The following TOGARAM1 variants were observed in gnomAD, a reference collection of about 807,000 sequenced individuals.
TOGARAM1 encodes the protein TOG array regulator of axonemal microtubules protein 1.
TOGARAM1 carries 100 observed loss-of-function variants against 166.6 expected under a neutral mutation model. The ratio of observed to expected loss-of-function variants is 0.60; its 90% CI spans 0.51 to 0.71. The LOEUF is 0.71. Among genes scored for constraint, TOGARAM1 ranks in the 30% least tolerant of loss-of-function variants. TOGARAM1 has a pLI of 0.00. For synonymous variants in TOGARAM1, 758 were observed against 763.8 expected (o/e 0.99, Z 0.13); for missense variants, 2,029 against 2,102.7 (o/e 0.96, Z 0.69).
chr14:44,982,187 T>G (rs529498018), intron 1 of TOGARAM1, among the ~76,000 whole-genome samples: 1 of 152,304 alleles, frequency 6.6e-6, no homozygotes, highest in East Asian at 1.9e-4. Context: ...TAATGGGATT[T>G]TTGATAGCTA....
intron 18 of TOGARAM1, among the ~76,000 whole-genome samples, chr14:45,070,306 A>G (rs1846894681): frequency 6.6e-6 from 1 of 152,348 alleles, no homozygotes; most frequent in South Asian, 2.1e-4. Flanking sequence ...CTATAATACC[A>G]TAAAACTTGA....
chr14:45,004,076 A>G lies in TOGARAM1; in HGVS notation c.2354A>G (p.Asn785Ser). 1.2e-6 allele frequency: 2 copies of G among 1,614,010 alleles called. No homozygotes were observed. The highest frequency in any genetic ancestry group is 1.7e-6 in the Non-Finnish European group (2 of 1,179,942). ...TTTATTACAGTGTATGCTAGCCTCA[A>G]TTTTGGCAGTAAGACACAGCAAACA... ...SHQEKVYASL[N>S]FGSKTQQTFG... is the part of the protein sequence containing the mutation. Residue 785 changes from asparagine to serine, a missense_variant, in exon 4 of 20, where the codon AAT becomes AGT. By Grantham distance (46) the Asn-to-Ser change is conservative. This residue lies in a region of TOGARAM1 where 1,453 missense variants were observed against 1,432.2 expected (regional missense o/e 1.01). Transcript: ENST00000361462.
chr14:45,032,096 G>A (rs1294593013), intron 10 of TOGARAM1, 127 bp from the exon 11 acceptor site: 3 of 736,942 alleles, frequency 4.1e-6, no homozygotes, highest in Non-Finnish European at 6.4e-6. Flanking sequence ...GGAAGTGGAG[G>A]TTGCAGTGAG....
intron 6 of TOGARAM1, 157 bp from the exon 7 acceptor site, chr14:45,011,814 TACAC>T (rs1393996164): frequency 5.6e-6 from 3 of 538,594 alleles, no homozygotes; most frequent in African/African-American, 1.9e-5. Context: ...TGTGTGTGTA[TACAC>T]ACACACTGTT....
At chr14:44,967,628 G>A (rs1229793325) in intron 1 of TOGARAM1, among the ~76,000 whole-genome samples, 1 of 152,196 alleles carries the variant, frequency 6.6e-6, no homozygotes, top group African/African-American at 2.4e-5. Context: ...TTATGTGAAA[G>A]AACTTAGCAA....
At chr14:44,989,978 G>T (rs1188830735) in intron 1 of TOGARAM1, among the ~76,000 whole-genome samples, 2 of 152,166 alleles carry the variant, frequency 1.3e-5, no homozygotes, top group East Asian at 1.9e-4. Context: ...TCAGACACTT[G>T]TAAGACCATC....
intron 3 of TOGARAM1, among the ~76,000 whole-genome samples, chr14:45,000,155 C>T (rs1224566037): frequency 3.9e-5 from 6 of 152,012 alleles, no homozygotes; most frequent in African/African-American, 7.2e-5. Flanking sequence ...CACGCCACCA[C>T]GCCCAGGTAA....
At chr14:45,000,078 C>T (rs919484110) in intron 3 of TOGARAM1, among the ~76,000 whole-genome samples, 9 of 152,000 alleles carry the variant, frequency 5.9e-5, no homozygotes, top group Non-Finnish European at 8.8e-5. Flanking sequence ...CTGCGACCTC[C>T]GCCCCTGCCC....
chr14:45,000,366 C>T (rs1887641161), intron 3 of TOGARAM1, among the ~76,000 whole-genome samples: 1 of 152,142 alleles, frequency 6.6e-6, no homozygotes, highest in Non-Finnish European at 1.5e-5. Context: ...CCCTTGCCAG[C>T]CTCTGGATAC....
rs1441703547 is a variant in TOGARAM1 at position 45,074,376 on chromosome 14, G to C, written c.*815G>C. ...CAGAATTCATGGGCTTACAAGTACTGTATGCATCTTTAAAAAGAAAAGGAA... is the reference window on the plus strand; with the variant it reads ...CAGAATTCATGGGCTTACAAGTACTCTATGCATCTTTAAAAAGAAAAGGAA... On this transcript the variant is annotated 3_prime_UTR_variant, in exon 20 of 20. Transcript: ENST00000361462. 1.3e-5 allele frequency: 2 copies of C among 152,326 alleles called. No individual in the cohort carries two copies. The highest frequency in any genetic ancestry group is 4.8e-5 in the African/African-American group (2 of 41,342). The allele number at this position is 152,326 out of a possible 1,614,324, so 9.4% of individuals were successfully genotyped here.
intron 3 of TOGARAM1, among the ~76,000 whole-genome samples, chr14:45,001,251 G>A (rs979623165): frequency 5.3e-5 from 8 of 152,090 alleles, no homozygotes; most frequent in South Asian, 2.1e-4. Flanking sequence ...TGCAAAAATC[G>A]AATCAAAATT....
At chr14:44,967,330 T>C (rs894733030) in intron 1 of TOGARAM1, among the ~76,000 whole-genome samples, 1 of 152,146 alleles carries the variant, frequency 6.6e-6, no homozygotes, top group African/African-American at 2.4e-5. Flanking sequence ...CAGTAATATT[T>C]ATTCATATGC....
At chr14:45,064,331 T>G (rs1048803315) in intron 16 of TOGARAM1, among the ~76,000 whole-genome samples, 3 of 152,144 alleles carry the variant, frequency 2.0e-5, no homozygotes, top group African/African-American at 7.2e-5. Flanking sequence ...GGGGTCTTGC[T>G]ATGTTGCCCA....
chr14:44,994,796 T>A (rs1025065620), intron 1 of TOGARAM1, among the ~76,000 whole-genome samples: 1 of 152,180 alleles, frequency 6.6e-6, no homozygotes, highest in African/African-American at 2.4e-5. Context: ...TTTCACAAAA[T>A]TTGATAATAA....
intron 16 of TOGARAM1, among the ~76,000 whole-genome samples, chr14:45,059,982 G>A (rs999349549): frequency 2.0e-5 from 3 of 149,304 alleles, no homozygotes; most frequent in African/African-American, 4.9e-5. Flanking sequence ...GCGTGATCTC[G>A]GCTCACTGCA....
chr14:45,017,462 A>G (rs886810511), intron 7 of TOGARAM1, among the ~76,000 whole-genome samples: 5 of 152,136 alleles, frequency 3.3e-5, no homozygotes, highest in Non-Finnish European at 7.4e-5. Flanking sequence ...TGCCACTAAA[A>G]TGGAATGGAA....
chr14:44,985,167 C>A (rs1448684945), intron 1 of TOGARAM1, among the ~76,000 whole-genome samples: 1 of 152,106 alleles, frequency 6.6e-6, no homozygotes, highest in Non-Finnish European at 1.5e-5. Context: ...GGGTGGACCA[C>A]CACGCCTGGC....
intron 1 of TOGARAM1, among the ~76,000 whole-genome samples, chr14:44,981,826 C>A (rs1886551514): frequency 6.8e-6 from 1 of 146,578 alleles, no homozygotes; most frequent in South Asian, 2.1e-4. Flanking sequence ...GTGAAAGCTT[C>A]CCCTTTTTCA....
intron 16 of TOGARAM1, among the ~76,000 whole-genome samples, chr14:45,056,745 C>T (rs1030393146): frequency 2.6e-5 from 4 of 151,844 alleles, no homozygotes; most frequent in African/African-American, 4.8e-5. Context: ...ATCTTTTTGA[C>T]GTGCTGTTGT....
Sources: allele counts gnomAD v4.1 joint callset (sites outside exome capture counted in the v4.1 genomes callset), GRCh38; gene constraint gnomAD v4.1.1; regional missense constraint gnomAD v4.1.1; transcripts MANE v1.5; gene names NCBI Gene and HGNC (gene_info 2026-07-23, HGNC 2026-07-21).